PCDH9: variants seen among roughly 807,000 people sequenced by gnomAD.
PCDH9 encodes protocadherin 9.
In PCDH9, 24 loss-of-function variants were observed where a neutral mutation model predicts 70.6. That is an observed-to-expected ratio of 0.34 (90% confidence interval 0.25 to 0.48). The LOEUF is 0.48. Ranked by LOEUF, PCDH9 falls within the 20% of genes least tolerant of loss-of-function variation. The pLI, the probability that PCDH9 is intolerant of heterozygous loss-of-function variation, is 0.99. For missense variants in PCDH9, 1,281 were observed against 1,503.6 expected (o/e 0.85, Z 2.45); for synonymous variants, 562 against 558.5 (o/e 1.01, Z -0.09).
At chr13:66,423,411 T>A (rs118050077) in intron 4 of PCDH9, among the ~76,000 whole-genome samples, 124,553 of 151,626 alleles carry the variant, frequency 0.82, 52,674 homozygotes, top group South Asian at 0.95. Context: ...CTGATGAACA[T>A]CATTGCGAAA....
In PCDH9 at chr13:66,533,680, T is replaced by G. The variant is rs574662431; in HGVS notation, c.3340+97530A>C. On this transcript the variant is annotated intron_variant, in intron 4 of 4. Transcript: ENST00000377865. The stretch of plus-strand genomic sequence containing the variant: ...ACCATTGTTAAATAAGAAAACATAC[T>G]TGCAAACAGTATGTTGAGCTTGATT... 2.6e-5 allele frequency among the ~76,000 whole-genome samples: 4 copies of G among 152,222 alleles called. No individual in the cohort carries two copies. In the South Asian group the frequency reaches 8.3e-4, roughly 32 times the overall value.
intron 2 of PCDH9, among the ~76,000 whole-genome samples, chr13:66,929,917 G>A (rs996472494): frequency 3.9e-5 from 6 of 152,098 alleles, no homozygotes; most frequent in African/African-American, 1.2e-4. Flanking sequence ...GCTCTCCAGT[G>A]ATGTATAATC....
chr13:66,542,630 T>A (rs1024133040), intron 4 of PCDH9, among the ~76,000 whole-genome samples: 1 of 149,726 alleles, frequency 6.7e-6, no homozygotes, highest in Non-Finnish European at 1.5e-5. Flanking sequence ...CTTATGTATA[T>A]CTATGTGTGT....
intron 2 of PCDH9, among the ~76,000 whole-genome samples, chr13:67,017,433 T>C (rs1249508321): frequency 6.6e-6 from 1 of 152,184 alleles, no homozygotes; most frequent in African/African-American, 2.4e-5. Context: ...CCCTAACAGT[T>C]TAAAATACCC....
At chr13:66,868,885 T>C (rs747742560) in intron 3 of PCDH9, among the ~76,000 whole-genome samples, 5 of 152,118 alleles carry the variant, frequency 3.3e-5, no homozygotes, top group South Asian at 2.1e-4. Flanking sequence ...GTGAGAAAAA[T>C]ATGATTATCT....
intron 3 of PCDH9, among the ~76,000 whole-genome samples, chr13:66,690,522 CAG>C (rs2078468475): frequency 6.6e-6 from 1 of 151,986 alleles, no homozygotes; most frequent in African/African-American, 2.4e-5. Context: ...AGGTGTGTAA[CAG>C]ACACACTACA....
chr13:66,994,925 A>C (rs565216103), intron 2 of PCDH9, among the ~76,000 whole-genome samples: 1 of 152,190 alleles, frequency 6.6e-6, no homozygotes, highest in Non-Finnish European at 1.5e-5. Context: ...AATTTCTAAA[A>C]CCTTTTAAAC....
chr13:66,549,928 AT>A (rs1289900314), intron 4 of PCDH9, among the ~76,000 whole-genome samples: 3 of 152,008 alleles, frequency 2.0e-5, no homozygotes, highest in East Asian at 1.9e-4. Flanking sequence ...AAATAATACT[AT>A]TTTTTTTCTT....
At chr13:66,589,876 C>A (rs1443332398) in intron 4 of PCDH9, among the ~76,000 whole-genome samples, 1 of 151,954 alleles carries the variant, frequency 6.6e-6, no homozygotes, top group Non-Finnish European at 1.5e-5. Context: ...ATTGTGATTG[C>A]AGAAATTTCA....
At chr13:66,546,238 A>T (rs563376599) in intron 4 of PCDH9, among the ~76,000 whole-genome samples, 9 of 151,952 alleles carry the variant, frequency 5.9e-5, no homozygotes, top group African/African-American at 2.2e-4. Flanking sequence ...GTCTAGAAGA[A>T]GGCATTGTTA....
At chr13:66,769,088 T>G (rs1242539508) in intron 3 of PCDH9, among the ~76,000 whole-genome samples, 1 of 152,100 alleles carries the variant, frequency 6.6e-6, no homozygotes, top group Non-Finnish European at 1.5e-5. Flanking sequence ...ATATCTCTAC[T>G]CAGACACTGA....
chr13:66,884,072 G>C (rs765169106), intron 3 of PCDH9, among the ~76,000 whole-genome samples: 6 of 151,558 alleles, frequency 4.0e-5, no homozygotes, highest in Non-Finnish European at 7.4e-5. Flanking sequence ...GTTAATTTTT[G>C]TATTTTTAGT....
At position 67,046,554 on chromosome 13, in the gene PCDH9, G is replaced by A. The variant is rs372528075; in HGVS notation, c.3037-142949C>T. ...CAGTGTCTTTGCTATATGTTTTAGC[G>A]TTGCATGGAAGTGAGGATCTAGGAT... is the stretch of plus-strand genomic sequence containing the variant. On this transcript the variant is annotated intron_variant, in intron 2 of 4. Coordinates refer to ENST00000377865, the MANE Select transcript of PCDH9 (RefSeq NM_203487.3). 4.7e-4 allele frequency among the ~76,000 whole-genome samples: 72 copies of A among 151,972 alleles called. 1 individual carries two copies. The highest frequency in any genetic ancestry group is 3.2e-3 in the Middle Eastern group (1 of 314).
chr13:66,343,063 C>T (rs1956158702), intron 4 of PCDH9, among the ~76,000 whole-genome samples: 2 of 152,126 alleles, frequency 1.3e-5, no homozygotes, highest in South Asian at 4.1e-4. Context: ...CAACCCACAA[C>T]AACTTCACTG....
At chr13:67,023,041 T>G (rs1024527530) in intron 2 of PCDH9, among the ~76,000 whole-genome samples, 19 of 152,218 alleles carry the variant, frequency 1.2e-4, no homozygotes, top group Non-Finnish European at 2.2e-4. Context: ...GCAATGCAGT[T>G]TTCTCTTTCA....
chr13:66,820,221 G>A (rs2080685903), intron 3 of PCDH9, among the ~76,000 whole-genome samples: 1 of 151,680 alleles, frequency 6.6e-6, no homozygotes, highest in Admixed American at 6.6e-5. Flanking sequence ...ACAAACATAA[G>A]CCATATTATA....
chr13:66,529,106 A>T (rs1765684980), intron 4 of PCDH9, among the ~76,000 whole-genome samples: 1 of 152,098 alleles, frequency 6.6e-6, no homozygotes, highest in Non-Finnish European at 1.5e-5. Context: ...TAAATCAAGT[A>T]CATTTTACAT....
At chr13:66,779,873 A>ATGTGCG (rs2079968444) in intron 3 of PCDH9, among the ~76,000 whole-genome samples, 1 of 115,878 alleles carries the variant, frequency 8.6e-6, no homozygotes, top group Non-Finnish European at 1.7e-5. Context: ...ATATACATAT[A>ATGTGCG]TGTGTGTGTG....
chr13:66,985,945 A>C (rs1016283530), intron 2 of PCDH9, among the ~76,000 whole-genome samples: 11 of 152,060 alleles, frequency 7.2e-5, no homozygotes, highest in Admixed American at 5.9e-4. Context: ...TGAATATGAC[A>C]TAAAACTTTA....
Sources: allele counts gnomAD v4.1 joint callset (sites outside exome capture counted in the v4.1 genomes callset), GRCh38; gene constraint gnomAD v4.1.1; transcripts MANE v1.5; gene names NCBI Gene and HGNC (gene_info 2026-07-23, HGNC 2026-07-21).